The following KALRN variants were observed in gnomAD, a reference collection of about 807,000 sequenced individuals.
The protein encoded by KALRN is kalirin.
KALRN carries 70 observed loss-of-function variants against 353.7 expected under a neutral mutation model. The observed-to-expected ratio is 0.20, with a 90% CI of 0.16 to 0.24. The LOEUF is 0.24. KALRN is among the 10% of genes least tolerant of loss of function. The pLI is 1.00. For missense variants in KALRN, 2,791 were observed against 3,756.7 expected (o/e 0.74, Z 6.72); for synonymous variants, 1,391 against 1,434.8 (o/e 0.97, Z 0.69).
intron 51 of KALRN, among the ~76,000 whole-genome samples, chr3:124,683,968 A>G (rs1352005547): frequency 1.3e-5 from 2 of 152,260 alleles, no homozygotes; most frequent in South Asian, 2.1e-4. Context: ...TAAAATATAC[A>G]TAACAAAAAT....
At chr3:124,137,491 A>G (rs982959430) in intron 1 of KALRN, among the ~76,000 whole-genome samples, 2 of 152,076 alleles carry the variant, frequency 1.3e-5, no homozygotes, top group African/African-American at 4.8e-5. Flanking sequence ...ATTTGTGCAG[A>G]GGATGTAAGG....
chr3:124,505,318 A>G (rs930594163), intron 33 of KALRN, among the ~76,000 whole-genome samples: 61 of 152,256 alleles, frequency 4.0e-4, no homozygotes, highest in Non-Finnish European at 6.0e-4. Flanking sequence ...GGTAGGCATG[A>G]AAATAAACTT....
At chr3:124,092,570 G>A (rs2149371246) in intron 1 of KALRN, among the ~76,000 whole-genome samples, 1 of 152,280 alleles carries the variant, frequency 6.6e-6, no homozygotes, top group East Asian at 1.9e-4. Context: ...CCTCCCTCAG[G>A]GTTCCTGTTA....
intron 33 of KALRN, among the ~76,000 whole-genome samples, chr3:124,522,242 AG>A (rs1166118091): frequency 2.6e-5 from 4 of 151,906 alleles, no homozygotes; most frequent in Non-Finnish European, 5.9e-5. Context: ...TACATATGTA[AG>A]ACCTTCCTGA....
chr3:124,303,392 TG>T (rs2077420374), intron 6 of KALRN, among the ~76,000 whole-genome samples: 1 of 152,206 alleles, frequency 6.6e-6, no homozygotes, highest in Non-Finnish European at 1.5e-5. Context: ...CTGAGCTCTC[TG>T]GGGCCTTCCT....
rs186475270 is a variant in KALRN at position 124,268,579 on chromosome 3, T to C, written c.457-164T>C. ...TGTAGAAACTGCTGATCCTGACTGA[T>C]CTGTGACTCCTGACCAGTGAGTCCC... On this transcript the variant is annotated intron_variant, in intron 4 of 59. Transcript: ENST00000682506. 1.2e-4 allele frequency: 82 copies of C among 673,502 alleles called. 1 individual carries two copies. In the East Asian group the frequency reaches 2.2e-3, roughly 18 times the overall value. 41.7% of individuals were successfully genotyped at this position (673,502 alleles called of 1,614,324 possible).
chr3:124,664,385 ATAAGGG>A (rs2085339636), intron 45 of KALRN, among the ~76,000 whole-genome samples: 1 of 132,340 alleles, frequency 7.6e-6, no homozygotes, highest in Non-Finnish European at 1.6e-5. Flanking sequence ...GCGCGCGCAT[ATAAGGG>A]CACCCACAAG....
chr3:124,618,920 C>T (rs1184811167), intron 34 of KALRN, among the ~76,000 whole-genome samples: 1 of 152,134 alleles, frequency 6.6e-6, no homozygotes, highest in Non-Finnish European at 1.5e-5. Flanking sequence ...TCTTGCTGGC[C>T]ATCACTTGAA....
Position 124,667,117 on chromosome 3 carries a change from G to A in KALRN, c.6637G>A (p.Asp2213Asn). 6.2e-7 allele frequency: 1 copy of A among 1,614,198 alleles called. No individual in the cohort carries two copies. The highest frequency in any genetic ancestry group is 8.5e-7 in the Non-Finnish European group (1 of 1,180,030). ...ERVVLQAANA[D>N]IQQAWVQDIN... ...GGTTGTTCTGCAAGCCGCCAACGCT[G>A]ACATCCAGCAGGCCTGGGTGCAGGA... The change falls in exon 47 of 60, where the codon GAC (aspartate) becomes AAC (asparagine). Residue 2213 changes from aspartate to asparagine, a missense_variant. By Grantham distance (23) the Asp-to-Asn change is conservative (BLOSUM62 1). Around this residue, in one of 11 missense-constraint regions of KALRN, gnomAD observed 1,065 missense variants for 1,156.4 expected, o/e 0.92. Coordinates refer to ENST00000682506, the MANE Select transcript of KALRN (RefSeq NM_001388419.1).
chr3:124,297,178 T>C (rs2076913743), intron 5 of KALRN, among the ~76,000 whole-genome samples: 1 of 152,236 alleles, frequency 6.6e-6, no homozygotes, highest in African/African-American at 2.4e-5. Flanking sequence ...TTGAATGTAA[T>C]TGAAGTAGTA....
At chr3:124,107,219 TA>T (rs932856607) in intron 1 of KALRN, among the ~76,000 whole-genome samples, 5 of 152,336 alleles carry the variant, frequency 3.3e-5, no homozygotes, top group Admixed American at 2.0e-4. Flanking sequence ...AGTACAGGGC[TA>T]GGGGTGGAGG....
intron 13 of KALRN, chr3:124,410,211 C>T (rs1017029126): frequency 3.8e-6 from 2 of 533,068 alleles, no homozygotes; most frequent in Middle Eastern, 3.2e-4. Context: ...CTCACCAGGA[C>T]CGTCGGCACC....
intron 33 of KALRN, among the ~76,000 whole-genome samples, chr3:124,498,420 G>A (rs1168930523): frequency 1.3e-5 from 2 of 152,122 alleles, no homozygotes; most frequent in African/African-American, 2.4e-5. Flanking sequence ...TTTCATTGCC[G>A]TACTCCTGAC....
intron 1 of KALRN, among the ~76,000 whole-genome samples, chr3:124,055,847 G>T (rs1043052900): frequency 6.6e-6 from 1 of 150,824 alleles, no homozygotes; most frequent in East Asian, 1.9e-4. Context: ...CACTCTAGTG[G>T]GTGCCATTTT....
At position 124,611,952 on chromosome 3, in the gene KALRN, C is replaced by T. The variant is rs367955021; in HGVS notation, c.5183-20468C>T. Among the ~76,000 whole-genome samples, 115 of 152,354 alleles carry T rather than the reference C, an allele frequency of 7.5e-4. 2 individuals are homozygous for T. The South Asian group carries it at 0.02, about 27-fold the overall frequency. On this transcript the variant is annotated intron_variant, in intron 34 of 59. Coordinates refer to ENST00000682506, the MANE Select transcript of KALRN (RefSeq NM_001388419.1). ...TCAGGTCTCAGCTTAAATGTCACTT[C>T]TCAGAGAACTGTCACCAGCTACTCA...
chr3:124,596,657 T>C (rs921140504), intron 34 of KALRN, among the ~76,000 whole-genome samples: 2 of 152,226 alleles, frequency 1.3e-5, no homozygotes, highest in Non-Finnish European at 2.9e-5. Flanking sequence ...AATCTCTTCA[T>C]AGGGTTTTTG....
chr3:124,047,833 A>G (rs2040652805), intron 1 of KALRN, among the ~76,000 whole-genome samples: 1 of 152,050 alleles, frequency 6.6e-6, no homozygotes, highest in Non-Finnish European at 1.5e-5. Flanking sequence ...GTTTTTAAAA[A>G]TATAAAGCAT....
At chr3:124,083,710 C>A (rs992543460) in intron 1 of KALRN, among the ~76,000 whole-genome samples, 2 of 152,174 alleles carry the variant, frequency 1.3e-5, no homozygotes, top group African/African-American at 4.8e-5. Context: ...GGCTGCGGAG[C>A]CTTAGTGGTG....
rs748640926 is a variant in KALRN, at chr3:124,702,064, T to C, written c.8023T>C (p.Ser2675Pro). 3 of 1,613,914 alleles carry C rather than the reference T, an allele frequency of 1.9e-6. No individual in the cohort carries two copies. Among genetic ancestry groups the C allele is most frequent in the Non-Finnish European group, 2.5e-6 (3 of 1,179,924 alleles). Residue 2675 changes from serine to proline, a missense_variant, in exon 57 of 60, where the codon TCT becomes CCT. Ser to Pro is a moderately conservative substitution (Grantham distance 74). Coordinates refer to ENST00000682506, the MANE Select transcript of KALRN (RefSeq NM_001388419.1). ...YDAAADGATISWKENFDSAYT... is the reference protein window; with the variant it reads ...YDAAADGATIPWKENFDSAYT... ...TGCTGCTGCTGATGGTGCCACCATT[T>C]CTTGGAAGGAAAATTTTGACTCAGC...
Sources: gnomAD v4.1 joint callset for allele counts (sites outside exome capture counted in the v4.1 genomes callset) on GRCh38, gnomAD v4.1.1 for gene constraint, gnomAD v4.1.1 regional missense constraint, MANE v1.5 for transcripts, NCBI Gene and HGNC (gene_info 2026-07-23, HGNC 2026-07-21) for gene names.